NLRC5: variants seen among roughly 807,000 people sequenced by gnomAD.
NLRC5 encodes NLR family CARD domain containing 5.
A neutral mutation model predicts 206.9 loss-of-function variants in NLRC5; 114 were observed. The observed-to-expected ratio is 0.55, with a 90% CI of 0.47 to 0.64. The LOEUF (loss-of-function observed/expected upper bound fraction) is 0.64, where lower values mean the gene tolerates loss of function less well. Among genes scored for constraint, NLRC5 ranks in the 30% least tolerant of loss-of-function variants. The pLI is 0.00. For missense variants in NLRC5, 2,008 were observed against 2,305.5 expected (o/e 0.87, Z 2.64); for synonymous variants, 952 against 962.8 (o/e 0.99, Z 0.21).
chr16:57,022,289 G>T lies in NLRC5; in HGVS notation c.329G>T (p.Ser110Ile), dbSNP rs769689548. The change falls in exon 4 of 49, where the codon AGC (serine) becomes ATC (isoleucine). Residue 110 changes from serine (S) to isoleucine (I), a missense_variant. Physicochemically the swap from Ser to Ile is moderately radical, Grantham distance 142 (BLOSUM62 -2). Transcript: ENST00000688547. Reference sequence around the variant, plus strand: ...AGCCAGCTGGGAGCTGAGGGGAAAAGCCAACCTGAATCTCAGCTCCACCAT... The same window carrying T: ...AGCCAGCTGGGAGCTGAGGGGAAAATCCAACCTGAATCTCAGCTCCACCAT... ...FTSQLGAEGK[S>I]QPESQLHHGL... The T allele has an allele frequency of 8.7e-6, 14 of 1,612,102 alleles. No homozygotes were observed. The highest frequency in any genetic ancestry group is 1.2e-5 in the Non-Finnish European group (14 of 1,178,338).
Position 57,082,538 on chromosome 16 carries a change from C to A in NLRC5, c.*10C>A. ...CCCTTGGGGTACTTGATGGCCCCCT[C>A]AAGACCTTTGGAATCCAGCCAAGTG... is the stretch of plus-strand genomic sequence containing the variant. On this transcript the variant is annotated 3_prime_UTR_variant, in exon 49 of 49. Transcript: ENST00000688547. The A allele has an allele frequency of 6.3e-7, 1 of 1,590,590 alleles. No individual in the cohort carries two copies. The highest frequency in any genetic ancestry group is 8.6e-7 in the Non-Finnish European group (1 of 1,160,084).
At chr16:57,018,779 T>C (rs761556215) in intron 2 of NLRC5, among the ~76,000 whole-genome samples, 2 of 152,162 alleles carry the variant, frequency 1.3e-5, no homozygotes, top group Non-Finnish European at 2.9e-5. Flanking sequence ...GCTTTCCAAG[T>C]GTGTACTGCT....
chr16:57,059,654 A>T, intron 30 of NLRC5, 122 bp downstream of exon 30: 1 of 905,544 alleles, frequency 1.1e-6, no homozygotes. Flanking sequence ...CTTCAAGCTC[A>T]CTGCCTGGGT....
intron 20 of NLRC5, 21 bp from the exon 21 acceptor site, chr16:57,045,427 C>T: frequency 6.2e-7 from 1 of 1,614,076 alleles, no homozygotes; most frequent in Non-Finnish European, 8.5e-7. Context: ...TTTCAAACTG[C>T]TGCTTCCTCT....
At chr16:57,055,584 G>A (rs932770575) in intron 27 of NLRC5, 65 bp downstream of exon 27, 2 of 1,334,878 alleles carry the variant, frequency 1.5e-6, no homozygotes, top group South Asian at 1.2e-5. Context: ...ACTGAAGGGG[G>A]TATGAGGGTC....
chr16:57,033,803 G>T lies in NLRC5; in HGVS notation c.2543+134G>T, dbSNP rs529147067. 6.1e-5 allele frequency: 50 copies of T among 816,496 alleles called. No individual in the cohort carries two copies. In the African/African-American group the frequency reaches 7.1e-4, roughly 12 times the overall value. The allele number at this position is 816,496 out of a possible 1,614,324, so 50.6% of individuals were successfully genotyped here. ...AGGGAAAGGATTAGCCGGGTGTGGT[G>T]CCCATCCTGGATAGCCCATCCTGGC... On this transcript the variant is annotated intron_variant, in intron 12 of 48. Coordinates refer to ENST00000688547, the MANE Select transcript of NLRC5 (RefSeq NM_001384950.1).
intron 1 of NLRC5, among the ~76,000 whole-genome samples, chr16:57,015,842 C>T (rs1440834494): frequency 7.4e-6 from 1 of 135,606 alleles, no homozygotes; most frequent in African/African-American, 2.8e-5. Context: ...AAGAGAATTG[C>T]TTGAACCAGA....
intron 36 of NLRC5, 46 bp downstream of exon 36, chr16:57,067,874 T>C: frequency 7.0e-7 from 1 of 1,423,110 alleles, no homozygotes; most frequent in South Asian, 1.1e-5. Flanking sequence ...AGCTCTGCCC[T>C]GCCCTGACAC....
intron 32 of NLRC5, among the ~76,000 whole-genome samples, chr16:57,064,245 A>G (rs1169201794): frequency 6.6e-6 from 1 of 152,104 alleles, no homozygotes; most frequent in East Asian, 1.9e-4. Context: ...CATTGTTGAA[A>G]TGTGCAGAAA....
intron 1 of NLRC5, among the ~76,000 whole-genome samples, chr16:57,015,716 T>C (rs1428922933): frequency 6.6e-6 from 1 of 151,632 alleles, no homozygotes; most frequent in Admixed American, 6.6e-5. Context: ...TCACCTGAAG[T>C]CGGGAGTTCA....
rs752943796 is a variant in NLRC5, at chr16:57,036,087, C to G, written c.2628-13C>G. Reference sequence around the variant, plus strand: ...CAGCCCCACAATACAGTGCATTGGGCCCCCCGTCTCAGCCTCTCAGGGAAC... The same window carrying G: ...CAGCCCCACAATACAGTGCATTGGGGCCCCCGTCTCAGCCTCTCAGGGAAC... On this transcript the variant is annotated splice_polypyrimidine_tract_variant and intron_variant, in intron 13 of 48. Coordinates refer to ENST00000688547, the MANE Select transcript of NLRC5 (RefSeq NM_001384950.1). 1 of 1,570,882 alleles carries G rather than the reference C, an allele frequency of 6.4e-7. No individual in the cohort carries two copies. Among genetic ancestry groups the G allele is most frequent in the Non-Finnish European group, 8.6e-7 (1 of 1,163,356 alleles).
At chr16:57,035,259 C>T (rs2062404280) in intron 13 of NLRC5, among the ~76,000 whole-genome samples, 1 of 152,168 alleles carries the variant, frequency 6.6e-6, no homozygotes, top group Admixed American at 6.6e-5. Flanking sequence ...AACCCACCCT[C>T]ATCTCTTACC....
At chr16:57,007,613 C>T (rs923300859) in intron 1 of NLRC5, among the ~76,000 whole-genome samples, 33 of 152,040 alleles carry the variant, frequency 2.2e-4, no homozygotes, top group African/African-American at 8.0e-4. Context: ...GCCTGTAATC[C>T]CAGCTATTGG....
At position 57,070,609 on chromosome 16, in the gene NLRC5, A is replaced by C. The variant is rs1425951542; in HGVS notation, c.4658A>C (p.Lys1553Thr). 1 of 1,613,960 alleles carries C rather than the reference A, an allele frequency of 6.2e-7. No individual in the cohort carries two copies. Reference protein sequence around the residue: ...MRALEGKWMLKRLDLSHLLLN... With the variant: ...MRALEGKWMLTRLDLSHLLLN... ...GCCCTTGAGGGGAAATGGATGCTAAAGAGGCTGGAGTAAGTAGTGATGGTG... is the reference window on the plus strand; with the variant it reads ...GCCCTTGAGGGGAAATGGATGCTAACGAGGCTGGAGTAAGTAGTGATGGTG... Residue 1553 changes from lysine to threonine, a missense_variant, in exon 38 of 49, where the codon AAG (lysine) becomes ACG (threonine). Transcript: ENST00000688547.
chr16:56,997,298 T>C (rs289736), intron 1 of NLRC5, among the ~76,000 whole-genome samples: 22,360 of 152,220 alleles, frequency 0.15, 1,894 homozygotes, highest in Non-Finnish European at 0.19. Context: ...GGTGGAATAC[T>C]GTAGCCTGAT....
chr16:57,050,443 A>G (rs1308550759), intron 23 of NLRC5, among the ~76,000 whole-genome samples: 1 of 152,254 alleles, frequency 6.6e-6, no homozygotes, highest in Non-Finnish European at 1.5e-5. Flanking sequence ...GAGATGGGCC[A>G]GGCCCTTGGA....
At position 57,030,989 on chromosome 16, in the gene NLRC5, A is replaced by G. The variant is rs546347381; in HGVS notation, c.2418-415A>G. Among the ~76,000 whole-genome samples the G allele has an allele frequency of 7.2e-5, 11 of 152,092 alleles. No individual in the cohort carries two copies. The South Asian group carries it at 2.1e-3, about 29-fold the overall frequency. ...GTGGTGCATGCCTGTGGTTCCAGCT[A>G]TTTGGGAGGCTGAGGTGGGAAGATT... On this transcript the variant is annotated intron_variant, in intron 10 of 48. Coordinates refer to ENST00000688547, the MANE Select transcript of NLRC5 (RefSeq NM_001384950.1).
At chr16:57,051,800 G>A (rs1394760606) in intron 24 of NLRC5, among the ~76,000 whole-genome samples, 179 bp downstream of exon 24, 3 of 151,276 alleles carry the variant, frequency 2.0e-5, no homozygotes, top group Non-Finnish European at 4.4e-5. Context: ...GCACAACTGG[G>A]GACTCCAATC....
At position 57,077,784 on chromosome 16, in the gene NLRC5, G is replaced by A. The variant is rs748777799; in HGVS notation, c.4985G>A (p.Arg1662Lys). The change falls in exon 42 of 49, where the codon AGG (arginine) becomes AAG (lysine). Residue 1662 changes from arginine (R) to lysine (K), a missense_variant. By Grantham distance (26) the Arg-to-Lys change is conservative. Coordinates refer to ENST00000688547, the MANE Select transcript of NLRC5 (RefSeq NM_001384950.1). ...VQLAESLVLC[R>K]RLEELMLGCN... Reference sequence around the variant, plus strand: ...TTGGCAGAGTCTCTCGTTCTTTGCAGGCGCCTGGAGGAGTTGATGTGAGTG... The same window carrying A: ...TTGGCAGAGTCTCTCGTTCTTTGCAAGCGCCTGGAGGAGTTGATGTGAGTG... 2 of 1,603,574 alleles carry A rather than the reference G, an allele frequency of 1.2e-6. No homozygotes were observed. The highest frequency in any genetic ancestry group is 1.7e-6 in the Non-Finnish European group (2 of 1,173,678).
Sources: allele counts gnomAD v4.1 joint callset (sites outside exome capture counted in the v4.1 genomes callset), GRCh38; gene constraint gnomAD v4.1.1; transcripts MANE v1.5; gene names NCBI Gene and HGNC (gene_info 2026-07-23, HGNC 2026-07-21).